The following NCOA3 variants were observed in gnomAD, a reference collection of about 807,000 sequenced individuals.
The protein encoded by NCOA3 is nuclear receptor coactivator 3, also known as CBP-interacting protein.
Under a neutral mutation model 158.8 loss-of-function variants are expected in NCOA3, and 51 were observed. That is an observed-to-expected ratio of 0.32 (90% CI 0.26 to 0.41). The LOEUF is 0.41. Ranked by LOEUF, NCOA3 falls within the 10% of genes least tolerant of loss-of-function variation. NCOA3 has a pLI of 1.00. For missense variants in NCOA3, 1,510 were observed against 1,746.6 expected (o/e 0.86, Z 2.41); for synonymous variants, 537 against 592.4 (o/e 0.91, Z 1.36).
intron 2 of NCOA3, among the ~76,000 whole-genome samples, chr20:47,597,445 T>G (rs1568713743): frequency 1.3e-5 from 2 of 152,106 alleles, no homozygotes; most frequent in Non-Finnish European, 2.9e-5. Context: ...CAAAGGCATT[T>G]TGCATTTCTG....
At chr20:47,603,518 T>G (rs1436550301) in intron 2 of NCOA3, among the ~76,000 whole-genome samples, 1 of 152,248 alleles carries the variant, frequency 6.6e-6, no homozygotes, top group Non-Finnish European at 1.5e-5. Context: ...ACGGCTTAAG[T>G]GTTAAACAGC....
At chr20:47,631,304 C>G (rs1244995272) in intron 8 of NCOA3, 1 of 152,216 alleles carries the variant, frequency 6.6e-6, no homozygotes, top group Non-Finnish European at 1.5e-5. Context: ...TCCTTGAGCC[C>G]TTTTGACTAG....
At chr20:47,566,520 A>G (rs1290503124) in intron 1 of NCOA3, among the ~76,000 whole-genome samples, 2 of 150,426 alleles carry the variant, frequency 1.3e-5, no homozygotes, top group Admixed American at 1.3e-4. Context: ...CACCTTATTT[A>G]TTTATTTTTG....
intron 13 of NCOA3, among the ~76,000 whole-genome samples, chr20:47,638,715 G>T (rs2267962): frequency 6.6e-6 from 1 of 151,920 alleles, no homozygotes; most frequent in Non-Finnish European, 1.5e-5. Context: ...TAAGTGAAGC[G>T]CAGAGTATCA....
chr20:47,534,405 G>A (rs966468690), intron 1 of NCOA3, among the ~76,000 whole-genome samples: 2 of 152,080 alleles, frequency 1.3e-5, no homozygotes, highest in African/African-American at 2.4e-5. Context: ...TATATAACAA[G>A]TGTTTCACTA....
chr20:47,545,598 T>C (rs994837196), intron 1 of NCOA3, among the ~76,000 whole-genome samples: 2 of 152,260 alleles, frequency 1.3e-5, no homozygotes, highest in South Asian at 4.1e-4. Context: ...TCTCTGTTTT[T>C]CTCAATATCA....
chr20:47,623,823 T>G, intron 3 of NCOA3, 88 bp from the exon 4 acceptor site: 60 of 1,152,856 alleles, frequency 5.2e-5, no homozygotes, highest in Middle Eastern at 2.9e-4. Context: ...CATGTAATAG[T>G]GTTGTATAGG....
chr20:47,552,822 T>C (rs1310954964), intron 1 of NCOA3, among the ~76,000 whole-genome samples: 6 of 152,196 alleles, frequency 3.9e-5, no homozygotes, highest in African/African-American at 1.2e-4. Context: ...CTATGTGTCT[T>C]CATTAGGATG....
chr20:47,502,294 G>A (rs1281367591), intron 1 of NCOA3, among the ~76,000 whole-genome samples: 1 of 152,152 alleles, frequency 6.6e-6, no homozygotes, highest in African/African-American at 2.4e-5. Flanking sequence ...CGCGCGGAGG[G>A]GTCACCCGAG....
chr20:47,527,055 T>C (rs2084467021), intron 1 of NCOA3, among the ~76,000 whole-genome samples: 1 of 152,194 alleles, frequency 6.6e-6, no homozygotes. Context: ...TTGCCTAATA[T>C]ATTATAACTT....
chr20:47,511,524 GATATATATATATAT>G lies in NCOA3; in HGVS notation c.-99+9524_-99+9537del, dbSNP rs34123990. ...TAGCTGAGATATGTATCTCTCTCGAGATATATATATATATATATATATATATATATATTTCTTTT... is the reference window on the plus strand; with the variant it reads ...TAGCTGAGATATGTATCTCTCTCGAGATATATATATATATATATTTCTTTT... On this transcript the variant is annotated intron_variant, in intron 1 of 22. Transcript: ENST00000371998. Among the ~76,000 whole-genome samples the G allele has an allele frequency of 2.3e-4, 5 of 22,020 alleles. 1 individual carries two copies. Among genetic ancestry groups the G allele is most frequent in the African/African-American group, 4.5e-4 (5 of 11,028 alleles). The allele number at this position is 22,020 out of a possible 152,430, so 14.4% of individuals were successfully genotyped here.
At position 47,593,465 on chromosome 20, in the gene NCOA3, C is replaced by T. The variant is rs542389533; in HGVS notation, c.-20+10204C>T. 6.0e-5 allele frequency among the ~76,000 whole-genome samples: 9 copies of T among 150,814 alleles called. No homozygotes were observed. The South Asian group carries it at 6.3e-4, about 11-fold the overall frequency. On this transcript the variant is annotated intron_variant, in intron 2 of 22. Transcript: ENST00000371998. ...CACTCCATTCTCCTGCCTCAGCCTC[C>T]GGAGTAGCTGCGACTACAGGCGCCC...
intron 1 of NCOA3, among the ~76,000 whole-genome samples, chr20:47,576,505 A>C (rs189155901): frequency 9.2e-5 from 14 of 152,330 alleles, no homozygotes; most frequent in Admixed American, 5.9e-4. Flanking sequence ...AAGAAAGAAG[A>C]TAATTACTCG....
At chr20:47,607,280 C>A (rs988323029) in intron 2 of NCOA3, among the ~76,000 whole-genome samples, 7 of 152,168 alleles carry the variant, frequency 4.6e-5, no homozygotes, top group Non-Finnish European at 1.0e-4. Flanking sequence ...GTAGAAGTTA[C>A]CCTTTTGTAA....
intron 1 of NCOA3, among the ~76,000 whole-genome samples, chr20:47,504,588 A>G (rs1273089950): frequency 2.0e-5 from 3 of 147,622 alleles, no homozygotes; most frequent in East Asian, 4.0e-4. Context: ...GTGGATCACG[A>G]GGTCAGGAGT....
rs1397563177 is a variant in NCOA3 at position 47,539,492 on chromosome 20, TAGC to T, written c.-99+37476_-99+37478del. Among the ~76,000 whole-genome samples, 20 of 152,274 alleles carry T rather than the reference TAGC, an allele frequency of 1.3e-4. No individual in the cohort carries two copies. In the East Asian group the frequency reaches 3.9e-3, roughly 29 times the overall value. On this transcript the variant is annotated intron_variant, in intron 1 of 22. Coordinates refer to ENST00000371998, the MANE Select transcript of NCOA3 (RefSeq NM_181659.3). Reference sequence around the variant, plus strand: ...AAATATTTGCTGAATAAATTTAGAGTAGCAGTAGCAGGTTTTTATTTATTGAGC... The same window carrying T: ...AAATATTTGCTGAATAAATTTAGAGTAGTAGCAGGTTTTTATTTATTGAGC...
At chr20:47,652,697 TAGA>T (rs2086815646) in intron 21 of NCOA3, 117 bp downstream of exon 21, 10 of 1,075,670 alleles carry the variant, frequency 9.3e-6, no homozygotes, top group South Asian at 4.7e-5. Context: ...GGGTTCATAT[TAGA>T]AGGTGTGATT....
chr20:47,601,996 T>A (rs1277037879), intron 2 of NCOA3, among the ~76,000 whole-genome samples: 1 of 152,238 alleles, frequency 6.6e-6, no homozygotes, highest in Non-Finnish European at 1.5e-5. Context: ...TTAAATATAT[T>A]TTCCATCATG....
At chr20:47,593,185 G>A (rs536974618) in intron 2 of NCOA3, among the ~76,000 whole-genome samples, 9 of 151,788 alleles carry the variant, frequency 5.9e-5, no homozygotes, top group Non-Finnish European at 1.0e-4. Context: ...CACCTGCCTC[G>A]GCCTCCCAAA....
Sources: gnomAD v4.1 joint callset for allele counts (sites outside exome capture counted in the v4.1 genomes callset) on GRCh38, gnomAD v4.1.1 for gene constraint, MANE v1.5 for transcripts, NCBI Gene and HGNC (gene_info 2026-07-23, HGNC 2026-07-21) for gene names.